Variants in GRM7 observed in about 807,000 individuals in gnomAD.
The protein encoded by GRM7 is metabotropic glutamate receptor 7.
In GRM7, 35 loss-of-function variants were observed where a neutral mutation model predicts 84.5. The observed-to-expected ratio is 0.41, with a 90% confidence interval of 0.32 to 0.55. The LOEUF (loss-of-function observed/expected upper bound fraction) is 0.55. Ranked by LOEUF, GRM7 falls within the 20% of genes least tolerant of loss-of-function variation. The probability of loss-of-function intolerance (pLI) is 0.19; values close to 1 mark genes in which losing one functional copy is unlikely to be tolerated. For missense variants in GRM7, 1,003 were observed against 1,194.6 expected, an observed-to-expected ratio of 0.84 and a Z score of 2.36; for synonymous variants, 487 against 455.1, an observed-to-expected ratio of 1.07 and a Z score of -0.89.
chr3:7,735,168 T>C (rs1382461204), intron 9 of GRM7, among the ~76,000 whole-genome samples: 1 of 152,196 alleles, frequency 6.6e-6, no homozygotes, highest in Non-Finnish European at 1.5e-5. Flanking sequence ...GAAGCATTAG[T>C]TGGCAGAGTT....
Position 7,053,076 on chromosome 3 carries a change from G to GTT in GRM7, c.520-93365_520-93364dup, listed in dbSNP as rs74673256. On this transcript the variant is annotated intron_variant, in intron 1 of 9. Coordinates refer to ENST00000357716, the MANE Select transcript of GRM7 (RefSeq NM_000844.4). ...ACACTTAGTCTTTTGTTTTTCTTGG[G>GTT]TTTTTTTTTTTTAAAATAATTCTAG... Among the ~76,000 whole-genome samples the GTT allele has an allele frequency of 2.1e-3, 297 of 138,266 alleles. 2 individuals are homozygous for GTT. The highest frequency in any genetic ancestry group is 3.8e-3 in the Middle Eastern group (1 of 266). 90.7% of individuals were successfully genotyped at this position (138,266 alleles called of 152,430 possible).
In GRM7 at chr3:7,351,988, A is replaced by G. The variant is rs554482382; in HGVS notation, c.1033+45336A>G. Among the ~76,000 whole-genome samples, 13 of 150,902 alleles carry G rather than the reference A, an allele frequency of 8.6e-5. No individual in the cohort carries two copies. The East Asian group carries it at 1.6e-3, about 18-fold the overall frequency. On this transcript the variant is annotated intron_variant, in intron 4 of 9. Transcript: ENST00000357716. ...TTTGCTTTTGCGATTATGTGAGCCA[A>G]TTCCCCCTGATAAATATATTCATTC...
intron 1 of GRM7, among the ~76,000 whole-genome samples, chr3:7,109,955 C>T (rs747918889): frequency 6.6e-6 from 1 of 151,964 alleles, no homozygotes; most frequent in African/African-American, 2.4e-5. Flanking sequence ...ATATGTTTAG[C>T]TTCCCTTAAA....
chr3:7,719,033 C>T (rs1377957377), intron 9 of GRM7, among the ~76,000 whole-genome samples: 1 of 152,160 alleles, frequency 6.6e-6, no homozygotes, highest in Admixed American at 6.5e-5. Flanking sequence ...TTACCTCATT[C>T]TCCCAATGAG....
intron 7 of GRM7, among the ~76,000 whole-genome samples, chr3:7,510,187 C>G (rs984838795): frequency 2.6e-5 from 4 of 152,162 alleles, no homozygotes; most frequent in Non-Finnish European, 5.9e-5. Flanking sequence ...CTCTGGTCCT[C>G]TTTTACATGT....
chr3:7,525,995 A>G (rs1700791931), intron 7 of GRM7, among the ~76,000 whole-genome samples: 1 of 151,834 alleles, frequency 6.6e-6, no homozygotes, highest in African/African-American at 2.4e-5. Context: ...AGTCTTTGCT[A>G]CTGTGAAAAA....
At chr3:7,072,357 C>G (rs1270999604) in intron 1 of GRM7, among the ~76,000 whole-genome samples, 2 of 152,064 alleles carry the variant, frequency 1.3e-5, no homozygotes, top group African/African-American at 4.8e-5. Context: ...TGTCAGTATG[C>G]TCATTTATCT....
At chr3:7,652,034 A>G (rs999104988) in intron 8 of GRM7, among the ~76,000 whole-genome samples, 3 of 152,216 alleles carry the variant, frequency 2.0e-5, no homozygotes, top group South Asian at 2.1e-4. Context: ...TTGGGGGGAA[A>G]AAATGGAACA....
chr3:7,453,120 G>C (rs1017160511), intron 6 of GRM7, among the ~76,000 whole-genome samples: 5 of 151,334 alleles, frequency 3.3e-5, no homozygotes, highest in Non-Finnish European at 5.9e-5. Context: ...AGCAGTTGCT[G>C]TAGGTACCTC....
chr3:7,656,518 A>ATATATATATATAT (rs1298850673), intron 8 of GRM7, among the ~76,000 whole-genome samples: 2 of 93,284 alleles, frequency 2.1e-5, no homozygotes, highest in South Asian at 6.7e-4. Flanking sequence ...AACAAATAAA[A>ATATATATATATAT]AAAAATATAT....
At chr3:7,487,688 G>C (rs1377669707) in intron 7 of GRM7, among the ~76,000 whole-genome samples, 9 of 152,180 alleles carry the variant, frequency 5.9e-5, no homozygotes, top group African/African-American at 2.2e-4. Context: ...AGAAGTGGAG[G>C]CATAGCACTT....
intron 1 of GRM7, among the ~76,000 whole-genome samples, chr3:6,925,383 G>A (rs536657826): frequency 6.6e-6 from 1 of 152,142 alleles, no homozygotes; most frequent in African/African-American, 2.4e-5. Context: ...TCTCAAAAGA[G>A]TTACCTGCTT....
At chr3:7,403,943 C>T (rs1066658) in intron 4 of GRM7, among the ~76,000 whole-genome samples, 94,646 of 151,398 alleles carry the variant, frequency 0.63, 30,670 homozygotes, top group African/African-American at 0.8. Flanking sequence ...GATATATGAG[C>T]GATGAAATTG....
intron 7 of GRM7, among the ~76,000 whole-genome samples, chr3:7,492,734 G>A (rs1210918420): frequency 6.6e-6 from 1 of 151,752 alleles, no homozygotes; most frequent in Non-Finnish European, 1.5e-5. Flanking sequence ...TGTGCTTTGG[G>A]TTTATTCTGT....
chr3:7,670,525 T>C (rs1166733345), intron 8 of GRM7, among the ~76,000 whole-genome samples: 5 of 152,222 alleles, frequency 3.3e-5, no homozygotes, highest in Non-Finnish European at 7.3e-5. Context: ...ATGAACCCTT[T>C]ACAAGTTGAA....
intron 7 of GRM7, among the ~76,000 whole-genome samples, chr3:7,521,146 G>T (rs1700577710): frequency 6.6e-6 from 1 of 152,158 alleles, no homozygotes; most frequent in Admixed American, 6.5e-5. Flanking sequence ...GTGTATATTT[G>T]TAGTTTGAGC....
intron 7 of GRM7, among the ~76,000 whole-genome samples, chr3:7,538,401 A>C (rs779745): frequency 0.61 from 92,235 of 152,024 alleles, 28,794 homozygotes; most frequent in African/African-American, 0.76. Flanking sequence ...CATGAGCCAC[A>C]ATGTTCGGCC....
chr3:7,492,472 G>A (rs1006821849), intron 7 of GRM7, among the ~76,000 whole-genome samples: 1 of 152,014 alleles, frequency 6.6e-6, no homozygotes, highest in Non-Finnish European at 1.5e-5. Flanking sequence ...TTTCTTTTCA[G>A]TTGCTGTATT....
chr3:7,144,203 A>T (rs1210748226), intron 1 of GRM7, among the ~76,000 whole-genome samples: 4 of 152,202 alleles, frequency 2.6e-5, no homozygotes, highest in African/African-American at 9.6e-5. Context: ...TCAGCAAAGC[A>T]TCGTACTTGT....
Sources: allele counts gnomAD v4.1 joint callset (sites outside exome capture counted in the v4.1 genomes callset), GRCh38; gene constraint gnomAD v4.1.1; transcripts MANE v1.5; gene names NCBI Gene and HGNC (gene_info 2026-07-23, HGNC 2026-07-21).